Variants in CLSTN2 observed in about 807,000 individuals in gnomAD.
CLSTN2 encodes calsyntenin 2.
In CLSTN2, 48 loss-of-function variants were observed where a neutral mutation model predicts 101.2. The observed-to-expected ratio is 0.47, with a 90% CI of 0.38 to 0.60. CLSTN2 has a LOEUF of 0.60. CLSTN2 is among the 20% of genes least tolerant of loss of function. CLSTN2 has a pLI of 0.00. For missense variants in CLSTN2, 1,160 were observed against 1,238.2 expected (o/e 0.94, Z 0.95); for synonymous variants, 481 against 463.6 (o/e 1.04, Z -0.48).
intron 2 of CLSTN2, among the ~76,000 whole-genome samples, chr3:140,350,101 G>A (rs1267107916): frequency 6.6e-6 from 1 of 152,202 alleles, no homozygotes; most frequent in African/African-American, 2.4e-5. Context: ...TGCAATCTCT[G>A]GCTTTGACAG....
intron 6 of CLSTN2, among the ~76,000 whole-genome samples, chr3:140,456,671 C>T (rs1016986785): frequency 2.0e-5 from 3 of 152,064 alleles, no homozygotes; most frequent in East Asian, 1.9e-4. Context: ...CCTGTAATCC[C>T]AGCTACTCAG....
intron 9 of CLSTN2, among the ~76,000 whole-genome samples, chr3:140,535,971 TA>T (rs1935351581): frequency 6.6e-6 from 1 of 152,206 alleles, no homozygotes; most frequent in African/African-American, 2.4e-5. Flanking sequence ...AACCCTGTAA[TA>T]AATTTTTAAA....
At chr3:140,311,622 T>C (rs551584208) in intron 2 of CLSTN2, among the ~76,000 whole-genome samples, 4 of 152,130 alleles carry the variant, frequency 2.6e-5, no homozygotes, top group Admixed American at 2.0e-4. Flanking sequence ...ATGATACTTA[T>C]TATGTTTAAG....
At chr3:140,562,635 G>A (rs987167470) in intron 13 of CLSTN2, among the ~76,000 whole-genome samples, 176 bp from the exon 14 acceptor site, 22 of 152,224 alleles carry the variant, frequency 1.4e-4, no homozygotes, top group African/African-American at 5.1e-4. Flanking sequence ...GTGCATCAAT[G>A]TAATTTTGGC....
At chr3:140,080,317 C>T (rs575770743) in intron 1 of CLSTN2, among the ~76,000 whole-genome samples, 2 of 152,294 alleles carry the variant, frequency 1.3e-5, no homozygotes, top group East Asian at 3.9e-4. Context: ...AAGGAAACTC[C>T]AGAATTGTAA....
intron 2 of CLSTN2, among the ~76,000 whole-genome samples, chr3:140,281,300 A>G (rs1485972381): frequency 6.6e-6 from 1 of 152,190 alleles, no homozygotes; most frequent in African/African-American, 2.4e-5. Flanking sequence ...ATGGTGGGAG[A>G]TAACAGGAAG....
chr3:140,035,797 C>CCCT (rs1372003796), intron 1 of CLSTN2, among the ~76,000 whole-genome samples: 1 of 152,200 alleles, frequency 6.6e-6, no homozygotes, highest in African/African-American at 2.4e-5. Flanking sequence ...GCAAGACCTG[C>CCCT]CCTCTGCCTG....
At chr3:140,404,246 T>C (rs1308796081) in intron 3 of CLSTN2, among the ~76,000 whole-genome samples, 1 of 152,156 alleles carries the variant, frequency 6.6e-6, no homozygotes, top group East Asian at 1.9e-4. Context: ...GTAAGAGGGG[T>C]TAAATTCTTA....
chr3:140,226,758 T>G (rs543468621), intron 2 of CLSTN2, among the ~76,000 whole-genome samples: 51 of 152,326 alleles, frequency 3.3e-4, no homozygotes, highest in African/African-American at 1.2e-3. Context: ...CAGTTCCATG[T>G]GGCTGGGGAA....
At chr3:140,349,431 G>C (rs1184801933) in intron 2 of CLSTN2, among the ~76,000 whole-genome samples, 1 of 152,158 alleles carries the variant, frequency 6.6e-6, no homozygotes, top group East Asian at 1.9e-4. Flanking sequence ...AGGAATAAAG[G>C]CTCGTGTTCT....
intron 2 of CLSTN2, among the ~76,000 whole-genome samples, chr3:140,207,562 CAA>C (rs1559806693): frequency 1.3e-5 from 2 of 152,008 alleles, no homozygotes; most frequent in Admixed American, 6.6e-5. Context: ...TTCACAAATT[CAA>C]AAGTTCAAAA....
intron 2 of CLSTN2, among the ~76,000 whole-genome samples, chr3:140,220,391 C>T (rs186113182): frequency 1.3e-5 from 2 of 152,334 alleles, no homozygotes; most frequent in East Asian, 3.9e-4. Context: ...TGGGCATTAG[C>T]AGGACCATTA....
At chr3:139,986,635 T>C (rs1936025587) in intron 1 of CLSTN2, among the ~76,000 whole-genome samples, 1 of 152,224 alleles carries the variant, frequency 6.6e-6, no homozygotes, top group African/African-American at 2.4e-5. Flanking sequence ...TCTCTGTTGC[T>C]TTTGGTGAGG....
intron 2 of CLSTN2, among the ~76,000 whole-genome samples, chr3:140,371,517 C>A (rs1200414067): frequency 2.0e-5 from 3 of 152,184 alleles, no homozygotes; most frequent in Non-Finnish European, 4.4e-5. Flanking sequence ...TCCTGTAAAT[C>A]AGCCCCTGAG....
chr3:140,171,379 T>C (rs1054254988), intron 1 of CLSTN2, among the ~76,000 whole-genome samples: 2 of 151,970 alleles, frequency 1.3e-5, no homozygotes, highest in East Asian at 1.9e-4. Context: ...ATTAGACTGC[T>C]TTCCAGTTAG....
intron 1 of CLSTN2, among the ~76,000 whole-genome samples, chr3:140,043,300 C>T (rs1219903330): frequency 6.6e-6 from 1 of 152,110 alleles, no homozygotes; most frequent in Non-Finnish European, 1.5e-5. Flanking sequence ...TTTCATGTGT[C>T]TGTTGGCTGC....
chr3:140,085,289 C>G (rs1463526187), intron 1 of CLSTN2, among the ~76,000 whole-genome samples: 1 of 152,238 alleles, frequency 6.6e-6, no homozygotes, highest in Non-Finnish European at 1.5e-5. Context: ...CCTGTTTGCA[C>G]AAGGTGCTTT....
At chr3:140,169,103 T>C (rs2010175719) in intron 1 of CLSTN2, among the ~76,000 whole-genome samples, 1 of 152,128 alleles carries the variant, frequency 6.6e-6, no homozygotes, top group Non-Finnish European at 1.5e-5. Flanking sequence ...CTTAAGTATA[T>C]TGAGTCTGCC....
intron 8 of CLSTN2, among the ~76,000 whole-genome samples, chr3:140,488,124 A>T (rs1328525768): frequency 6.6e-6 from 1 of 152,244 alleles, no homozygotes; most frequent in Non-Finnish European, 1.5e-5. Context: ...GAAGAAGAAA[A>T]AAAAGCATTC....
Sources: gnomAD v4.1 joint callset for allele counts (sites outside exome capture counted in the v4.1 genomes callset) on GRCh38, gnomAD v4.1.1 for gene constraint, MANE v1.5 for transcripts, NCBI Gene and HGNC (gene_info 2026-07-23, HGNC 2026-07-21) for gene names.